Variants in MTTP observed in about 807,000 individuals in gnomAD.
The protein encoded by MTTP is microsomal triglyceride transfer protein.
A neutral mutation model predicts 90.6 loss-of-function variants in MTTP; 49 were observed. The ratio of observed to expected loss-of-function variants is 0.54; its 90% CI spans 0.43 to 0.69. The LOEUF (loss-of-function observed/expected upper bound fraction) is 0.69. Ranked by LOEUF, MTTP falls within the 30% of genes least tolerant of loss-of-function variation. MTTP has a pLI of 0.00. For synonymous variants in MTTP, 347 were observed against 384.2 expected (o/e 0.90, Z 1.13); for missense variants, 945 against 1,067.5 (o/e 0.89, Z 1.60).
chr4:99,594,016 G>T (rs139645568), intron 6 of MTTP, among the ~76,000 whole-genome samples: 1 of 152,128 alleles, frequency 6.6e-6, no homozygotes, highest in Non-Finnish European at 1.5e-5. Context: ...TGTATCTGGT[G>T]CATGGGCTGG....
rs568468092 is a variant in MTTP, at chr4:99,601,937, A to G, written c.1344+223A>G. ...GAATGTAAGTTCCATGAAGAAATGG[A>G]TCTCAGTTTTTTTCAACACCAATTG... On this transcript the variant is annotated intron_variant, in intron 10 of 17. Transcript: ENST00000265517. Among the ~76,000 whole-genome samples, 3 of 152,118 alleles carry G rather than the reference A, an allele frequency of 2.0e-5. No individual in the cohort carries two copies. The South Asian group carries it at 6.2e-4, about 32-fold the overall frequency.
intron 16 of MTTP, among the ~76,000 whole-genome samples, chr4:99,620,014 C>T (rs879469905): frequency 6.6e-6 from 1 of 152,160 alleles, no homozygotes; most frequent in Non-Finnish European, 1.5e-5. Context: ...AAATCAACAA[C>T]AGCAACAACA....
intron 15 of MTTP, 114 bp downstream of exon 15, chr4:99,613,254 A>G (rs1726008449): frequency 1.1e-6 from 1 of 906,934 alleles, no homozygotes; most frequent in Middle Eastern, 3.0e-4. Flanking sequence ...CTTGGAGCTC[A>G]TATTCCAAGC....
intron 14 of MTTP, among the ~76,000 whole-genome samples, chr4:99,612,544 A>G (rs1010126160): frequency 7.9e-5 from 12 of 152,134 alleles, no homozygotes; most frequent in Non-Finnish European, 1.5e-4. Context: ...AGTCCTGGAA[A>G]GACTAAGAGT....
upstream of MTTP, among the ~76,000 whole-genome samples, chr4:99,573,019 T>C (rs762782394): frequency 4.0e-4 from 61 of 152,078 alleles, no homozygotes; most frequent in Non-Finnish European, 3.4e-4. Flanking sequence ...TCAAATGAAA[T>C]AGAATTTAGT....
chr4:99,608,692 A>C, intron 11 of MTTP, 74 bp from the exon 12 acceptor site: 1 of 1,108,942 alleles, frequency 9.0e-7, no homozygotes, highest in East Asian at 2.4e-5. Flanking sequence ...AACACTCACT[A>C]TTCCTGCTAT....
At chr4:99,586,842 G>T (rs1282703123) in intron 3 of MTTP, among the ~76,000 whole-genome samples, 3 of 152,096 alleles carry the variant, frequency 2.0e-5, no homozygotes, top group African/African-American at 7.2e-5. Context: ...CTCATATTTG[G>T]CTGGAAGAGG....
Position 99,583,016 on chromosome 4 carries a change from G to A in MTTP, c.250-358G>A, listed in dbSNP as rs542231692. Among the ~76,000 whole-genome samples the A allele has an allele frequency of 6.6e-5, 10 of 152,174 alleles. No individual in the cohort carries two copies. The South Asian group carries it at 2.1e-3, about 32-fold the overall frequency. ...ACACAGATAAGGTAGAATAGGGCAGGGGTCCTTTCCAACAAGTGGTAAAGA... is the reference window on the plus strand; with the variant it reads ...ACACAGATAAGGTAGAATAGGGCAGAGGTCCTTTCCAACAAGTGGTAAAGA... On this transcript the variant is annotated intron_variant, in intron 2 of 17. Coordinates refer to ENST00000265517, the MANE Select transcript of MTTP (RefSeq NM_001386140.1).
chr4:99,594,862 C>T lies in MTTP; in HGVS notation c.888C>T (p.Ser296=). 6.2e-7 allele frequency: 1 copy of T among 1,613,880 alleles called. No individual in the cohort carries two copies. The highest frequency in any genetic ancestry group is 1.3e-5 in the African/African-American group (1 of 74,994). The change falls in exon 7 of 18, where the codon AGC becomes AGT. Residue 296 remains serine, a synonymous_variant. Coordinates refer to ENST00000265517, the MANE Select transcript of MTTP (RefSeq NM_001386140.1). The part of the protein sequence containing the change: ...AIPIVGQVFQ[S]HCKGCPSLSE... ...CCATTGTGGGGCAGGTCTTCCAGAGCCACTGTAAAGGATGTCCTTCTGTAA... is the reference window on the plus strand; with the variant it reads ...CCATTGTGGGGCAGGTCTTCCAGAGTCACTGTAAAGGATGTCCTTCTGTAA...
rs1279253741 is a variant in MTTP at position 99,597,053 on chromosome 4, T to C, written c.910-14T>C. Reference sequence around the variant, plus strand: ...TTATGAGTGGGGTATGAGCCTGCAGTGTATGTTTTGCAGCTCTCGGAGCTC... The same window carrying C: ...TTATGAGTGGGGTATGAGCCTGCAGCGTATGTTTTGCAGCTCTCGGAGCTC... On this transcript the variant is annotated splice_polypyrimidine_tract_variant and intron_variant, in intron 7 of 17. Transcript: ENST00000265517. The C allele has an allele frequency of 1.9e-6, 3 of 1,613,458 alleles. No homozygotes were observed. The highest frequency in any genetic ancestry group is 3.3e-5 in the Admixed American group (2 of 59,992).
chr4:99,577,604 T>C (rs1578231811), intron 1 of MTTP, among the ~76,000 whole-genome samples: 1 of 40,496 alleles, frequency 2.5e-5, no homozygotes, highest in Admixed American at 2.3e-4. Flanking sequence ...AAACTCTGTT[T>C]CAAAAAAAAA....
intron 3 of MTTP, among the ~76,000 whole-genome samples, chr4:99,588,571 G>A (rs1484792177): frequency 6.6e-6 from 1 of 151,664 alleles, no homozygotes; most frequent in African/African-American, 2.4e-5. Context: ...CCAAATCATA[G>A]TCACCCTCCT....
rs1418604409 is a variant in MTTP at position 99,581,931 on chromosome 4, A to T, written c.88A>T (p.Asn30Tyr). 5 of 1,614,038 alleles carry T rather than the reference A, an allele frequency of 3.1e-6. No homozygotes were observed. The highest frequency in any genetic ancestry group is 4.2e-6 in the Non-Finnish European group (5 of 1,179,994). Reference protein sequence around the residue: ...KGHTTGLSLNNDRLYKLTYST... With the variant: ...KGHTTGLSLNYDRLYKLTYST... ...TCACACAACTGGTCTCTCATTAAATAATGACCGGCTGTACAAGCTCACGTA... is the reference window on the plus strand; with the variant it reads ...TCACACAACTGGTCTCTCATTAAATTATGACCGGCTGTACAAGCTCACGTA... The change falls in exon 2 of 18, where the codon AAT becomes TAT. Residue 30 changes from asparagine to tyrosine, a missense_variant. By Grantham distance (143) the Asn-to-Tyr change is moderately radical. Transcript: ENST00000265517.
chr4:99,602,122 CTCTAAG>C (rs1725714772), intron 10 of MTTP, among the ~76,000 whole-genome samples: 2 of 152,066 alleles, frequency 1.3e-5, no homozygotes, highest in African/African-American at 2.4e-5. Context: ...AAATATTAGA[CTCTAAG>C]TCTATCTCCT....
intron 1 of MTTP, among the ~76,000 whole-genome samples, chr4:99,566,181 C>G (rs1289713405): frequency 6.6e-6 from 1 of 151,354 alleles, no homozygotes; most frequent in East Asian, 2.0e-4. Context: ...CCCGTCTACT[C>G]CGGAGGCTGA....
At chr4:99,618,910 G>A (rs890133383) in intron 15 of MTTP, 64 bp from the exon 16 acceptor site, 9 of 1,585,732 alleles carry the variant, frequency 5.7e-6, no homozygotes, top group Non-Finnish European at 6.9e-6. Flanking sequence ...TGTGCCATTG[G>A]AAAGGGGGTT....
chr4:99,582,025 C>T lies in MTTP; in HGVS notation c.182C>T (p.Ser61Phe). 6.2e-7 allele frequency: 1 copy of T among 1,614,180 alleles called. No homozygotes were observed. The highest frequency in any genetic ancestry group is 8.5e-7 in the Non-Finnish European group (1 of 1,180,014). Residue 61 changes from serine (S) to phenylalanine (F), a missense_variant, in exon 2 of 18, where the codon TCC (serine) becomes TTC (phenylalanine). By Grantham distance (155) the Ser-to-Phe change is radical. Transcript: ENST00000265517. ...GACAGCGTGGGCTACCGCATTTCCT[C>T]CAACGTGGATGTGGCCTTACTATGG... is the stretch of plus-strand genomic sequence containing the variant. ...LQDSVGYRIS[S>F]NVDVALLWRN... is the part of the protein sequence containing the mutation.
intron 10 of MTTP, among the ~76,000 whole-genome samples, chr4:99,604,446 C>G (rs1321379657): frequency 6.6e-6 from 1 of 152,064 alleles, no homozygotes; most frequent in Non-Finnish European, 1.5e-5. Flanking sequence ...AAATGTAAAC[C>G]TACAGAAAAG....
upstream of MTTP, chr4:99,574,670 AAAATT>A: frequency 1.1e-6 from 1 of 873,178 alleles, no homozygotes; most frequent in East Asian, 2.8e-5. Context: ...TTGGGTGAAA[AAAATT>A]AAAAAGAGTG....
Sources: gnomAD v4.1 joint callset for allele counts (sites outside exome capture counted in the v4.1 genomes callset) on GRCh38, gnomAD v4.1.1 for gene constraint, MANE v1.5 for transcripts, NCBI Gene and HGNC (gene_info 2026-07-23, HGNC 2026-07-21) for gene names.